SYN3: variants seen among roughly 807,000 people sequenced by gnomAD.
SYN3 encodes synapsin-3.
A neutral mutation model predicts 65.8 loss-of-function variants in SYN3; 35 were observed. The observed-to-expected ratio is 0.53, with a 90% confidence interval of 0.41 to 0.70. The LOEUF (loss-of-function observed/expected upper bound fraction) is 0.70. Among genes scored for constraint, SYN3 ranks in the 30% least tolerant of loss-of-function variants. The probability of loss-of-function intolerance (pLI) is 0.00; values close to 1 mark genes in which losing one functional copy is unlikely to be tolerated. For synonymous variants in SYN3, 270 were observed against 292.9 expected (o/e 0.92, Z 0.80); for missense variants, 680 against 749.0 (o/e 0.91, Z 1.08).
At chr22:32,537,077 G>C (rs1375499643) in intron 9 of SYN3, among the ~76,000 whole-genome samples, 1 of 152,180 alleles carries the variant, frequency 6.6e-6, no homozygotes, top group East Asian at 1.9e-4. Context: ...TTGTGTGGCT[G>C]CTAGCAGAGG....
intron 6 of SYN3, among the ~76,000 whole-genome samples, chr22:32,704,101 G>T (rs1601944564): frequency 6.6e-6 from 1 of 152,068 alleles, no homozygotes; most frequent in East Asian, 1.9e-4. Context: ...GGGTACATAT[G>T]CAGGTTTGTT....
At chr22:32,856,246 T>A (rs1482982206) in intron 6 of SYN3, among the ~76,000 whole-genome samples, 1 of 151,310 alleles carries the variant, frequency 6.6e-6, no homozygotes, top group African/African-American at 2.4e-5. Flanking sequence ...GCTACTTCTC[T>A]GGATTTCTGA....
chr22:33,045,268 A>G (rs2054039773), intron 1 of SYN3, among the ~76,000 whole-genome samples: 1 of 152,182 alleles, frequency 6.6e-6, no homozygotes, highest in Non-Finnish European at 1.5e-5. Flanking sequence ...GACCTGTGAC[A>G]GCACACCTGG....
intron 3 of SYN3, among the ~76,000 whole-genome samples, chr22:32,977,601 G>C (rs1455998121): frequency 6.6e-6 from 1 of 151,982 alleles, no homozygotes; most frequent in Non-Finnish European, 1.5e-5. Flanking sequence ...AAAATTATCT[G>C]GGTGTGGTGG....
chr22:33,050,498 AAC>A lies in SYN3; in HGVS notation c.-163+7792_-163+7793del, dbSNP rs1488401257. 2.2e-3 allele frequency among the ~76,000 whole-genome samples: 325 copies of A among 144,716 alleles called. 2 individuals are homozygous for A. The highest frequency in any genetic ancestry group is 0.011 in the Admixed American group (163 of 14,302). The allele number at this position is 144,716 out of a possible 152,430, so 94.9% of individuals were successfully genotyped here. A position where few individuals can be genotyped will look rare whatever the true frequency, so the allele number is the denominator to read the frequency against. On this transcript the variant is annotated intron_variant, in intron 1 of 13. Transcript: ENST00000358763. The stretch of plus-strand genomic sequence containing the variant: ...CTGTTTCAAAAAAAAAAAAAAAAAA[AAC>A]AAAACAAAGCAAAACAAATTGAGGA...
Position 32,513,784 on chromosome 22 carries a change from T to A in SYN3, c.1651A>T (p.Thr551Ser). ...SLTNSLSTSD[T>S]SQRGTPSEDE... The stretch of plus-strand genomic sequence containing the variant: ...TCACTTGGGGTCCCACGCTGGGAGG[T>A]GTCGGATGTGCTGAGGCTGTTAGTC... Residue 551 changes from threonine (T) to serine (S), a missense_variant, in exon 14 of 14, where the codon ACC becomes TCC. By Grantham distance (58) the Thr-to-Ser change is moderately conservative (BLOSUM62 1). Transcript: ENST00000358763. 6.2e-7 allele frequency: 1 copy of A among 1,613,788 alleles called. No homozygotes were observed. The highest frequency in any genetic ancestry group is 8.5e-7 in the Non-Finnish European group (1 of 1,179,970).
chr22:32,786,074 T>G (rs1254428400), intron 6 of SYN3, among the ~76,000 whole-genome samples: 1 of 152,194 alleles, frequency 6.6e-6, no homozygotes, highest in African/African-American at 2.4e-5. Flanking sequence ...ACTGCACACT[T>G]TCCACATCCC....
At chr22:32,595,254 G>T (rs2059182943) in intron 7 of SYN3, among the ~76,000 whole-genome samples, 1 of 152,194 alleles carries the variant, frequency 6.6e-6, no homozygotes, top group Non-Finnish European at 1.5e-5. Context: ...TGGGGATGGT[G>T]AGCTTAGGGA....
chr22:32,830,194 T>C (rs1359650396), intron 6 of SYN3, among the ~76,000 whole-genome samples: 1 of 152,200 alleles, frequency 6.6e-6, no homozygotes, highest in Non-Finnish European at 1.5e-5. Context: ...TTTTTCCCGC[T>C]GCCCTCTAGC....
chr22:32,869,272 A>C, intron 4 of SYN3, 147 bp from the exon 5 acceptor site: 1 of 700,364 alleles, frequency 1.4e-6, no homozygotes, highest in Non-Finnish European at 2.4e-6. Context: ...GAGGGCAGTT[A>C]AATGCAAAGG....
At chr22:32,651,801 C>T (rs1283076599) in intron 6 of SYN3, among the ~76,000 whole-genome samples, 2 of 152,244 alleles carry the variant, frequency 1.3e-5, no homozygotes, top group East Asian at 1.9e-4. Context: ...ATATGGGCCT[C>T]GTGGCTGCCC....
intron 6 of SYN3, among the ~76,000 whole-genome samples, chr22:32,775,360 T>C (rs1364440456): frequency 6.6e-6 from 1 of 152,078 alleles, no homozygotes; most frequent in Non-Finnish European, 1.5e-5. Context: ...AACATGAATT[T>C]TGGGGGGACA....
At chr22:32,877,840 C>T (rs34039102) in intron 4 of SYN3, among the ~76,000 whole-genome samples, 6,654 of 152,220 alleles carry the variant, frequency 0.044, 220 homozygotes, top group Non-Finnish European at 0.061. Flanking sequence ...TGGTTCTCTG[C>T]TTCATGGAAT....
At chr22:32,569,573 A>C (rs9609599) in intron 7 of SYN3, among the ~76,000 whole-genome samples, 1,776 of 59,936 alleles carry the variant, frequency 0.03, 15 homozygotes, top group Non-Finnish European at 0.044. Context: ...CTCTCTCTCT[A>C]TATATATATA....
chr22:32,849,744 T>A (rs1202249102), intron 6 of SYN3, among the ~76,000 whole-genome samples: 1 of 152,176 alleles, frequency 6.6e-6, no homozygotes, highest in Non-Finnish European at 1.5e-5. Flanking sequence ...CAAGAGCCCA[T>A]GCAGGTGGAG....
intron 6 of SYN3, among the ~76,000 whole-genome samples, chr22:32,676,534 T>A: frequency 2.6e-5 from 1 of 39,000 alleles, no homozygotes; most frequent in Non-Finnish European, 7.6e-5. Flanking sequence ...CTTTCTTTTT[T>A]TTTTTTTTTT....
intron 5 of SYN3, among the ~76,000 whole-genome samples, chr22:32,866,246 G>T (rs2048686851): frequency 6.6e-6 from 1 of 152,190 alleles, no homozygotes; most frequent in African/African-American, 2.4e-5. Flanking sequence ...AATACTAAGA[G>T]CCTGGACACT....
In SYN3 at chr22:32,590,972, C is replaced by T. The variant is rs191534767; in HGVS notation, c.774+5702G>A. ...CAGGTCTGAACATTCTTAATAATGA[C>T]GGGCCATATTTCTGGTGTGCCCACT... On this transcript the variant is annotated intron_variant, in intron 7 of 13. Transcript: ENST00000358763. 7.2e-5 allele frequency among the ~76,000 whole-genome samples: 11 copies of T among 152,266 alleles called. No individual in the cohort carries two copies. The East Asian group carries it at 1.5e-3, about 21-fold the overall frequency.
intron 12 of SYN3, among the ~76,000 whole-genome samples, chr22:32,520,534 T>C (rs1041187082): frequency 2.6e-5 from 4 of 152,168 alleles, no homozygotes; most frequent in Non-Finnish European, 5.9e-5. Context: ...CTAGATCTCT[T>C]TGACTCAAAA....
Sources: allele counts gnomAD v4.1 joint callset (sites outside exome capture counted in the v4.1 genomes callset), GRCh38; gene constraint gnomAD v4.1.1; transcripts MANE v1.5; gene names NCBI Gene and HGNC (gene_info 2026-07-23, HGNC 2026-07-21).